Variants in FBXL18 observed in about 807,000 individuals in gnomAD.
The protein encoded by FBXL18 is F-box and leucine rich repeat protein 18, also known as F-box/LRR-repeat protein 18.
In FBXL18, 36 loss-of-function variants were observed where a neutral mutation model predicts 46.0. The ratio of observed to expected loss-of-function variants is 0.78; its 90% CI spans 0.60 to 1.03. The LOEUF (loss-of-function observed/expected upper bound fraction) is 1.03. FBXL18 is among the 50% of genes least tolerant of loss of function. The probability of loss-of-function intolerance (pLI) is 0.00; values close to 1 mark genes in which losing one functional copy is unlikely to be tolerated. For synonymous variants in FBXL18, 557 were observed against 465.3 expected (o/e 1.20, Z -2.54); for missense variants, 977 against 1,004.1 (o/e 0.97, Z 0.36).
chr7:5,493,205 C>T (rs1000003585), intron 3 of FBXL18, among the ~76,000 whole-genome samples: 20 of 152,294 alleles, frequency 1.3e-4, no homozygotes, highest in African/African-American at 4.3e-4. Context: ...CATGGTGGCA[C>T]GCACCTGTAC....
chr7:5,503,046 C>CAGATGCCA (rs1784307622), intron 2 of FBXL18, among the ~76,000 whole-genome samples: 1 of 152,166 alleles, frequency 6.6e-6, no homozygotes, highest in Non-Finnish European at 1.5e-5. Flanking sequence ...ATGGATGAAT[C>CAGATGCCA]AGATGCCAAC....
chr7:5,474,712 T>A (rs1300195207), downstream of FBXL18, among the ~76,000 whole-genome samples: 2 of 148,810 alleles, frequency 1.3e-5, no homozygotes, highest in African/African-American at 4.9e-5. Context: ...ATTTATTTAT[T>A]TATTTATTTA....
Position 5,498,278 on chromosome 7 carries a change from G to T in FBXL18, c.1781+2210C>A, listed in dbSNP as rs181539169. Among the ~76,000 whole-genome samples, 665 of 152,022 alleles carry T rather than the reference G, an allele frequency of 4.4e-3. 4 individuals are homozygous for T. The highest frequency in any genetic ancestry group is 0.015 in the African/African-American group (635 of 41,482). ...AATTTTTTGTATTTTTAGTAGAGAC[G>T]GGTTTCACCGTGTTAGCCAGGATGG... is the stretch of plus-strand genomic sequence containing the variant. On this transcript the variant is annotated intron_variant, in intron 3 of 4. Transcript: ENST00000382368.
At chr7:5,506,110 T>A (rs1784388579) in intron 1 of FBXL18, among the ~76,000 whole-genome samples, 1 of 152,104 alleles carries the variant, frequency 6.6e-6, no homozygotes, top group South Asian at 2.1e-4. Context: ...GTGATCCTCC[T>A]GCCTTGGCCT....
chr7:5,497,111 G>C (rs759344962), intron 3 of FBXL18, among the ~76,000 whole-genome samples: 8 of 151,670 alleles, frequency 5.3e-5, no homozygotes, highest in South Asian at 2.1e-4. Flanking sequence ...TGAGGTGGGA[G>C]GATCACCTGA....
chr7:5,498,576 TCTTTG>T (rs770278176), intron 3 of FBXL18, among the ~76,000 whole-genome samples: 9 of 151,814 alleles, frequency 5.9e-5, no homozygotes, highest in East Asian at 2.0e-4. Flanking sequence ...ATTTTTCTTT[TCTTTG>T]CTTTTCTTTT....
rs1254218144 is a variant in FBXL18, at chr7:5,455,892, T to C, written c.2001-8049A>G. On this transcript the variant is annotated intron_variant and NMD_transcript_variant, in intron 4 of 6. Coordinates refer to the FBXL18 transcript ENST00000415009. This position sits in a 1 kb window ranked among gnomAD's most constrained non-coding sequence, Gnocchi z 4.6. Reference sequence around the variant, plus strand: ...GCGAGACCTGGCCATCTCTGCCCCATGCGGGACTCTCTCATGGGCCGTGCT... The same window carrying C: ...GCGAGACCTGGCCATCTCTGCCCCACGCGGGACTCTCTCATGGGCCGTGCT... Among the ~76,000 whole-genome samples the C allele has an allele frequency of 6.6e-6, 1 of 152,080 alleles. No homozygotes were observed. Among genetic ancestry groups the C allele is most frequent in the Admixed American group, 6.5e-5 (1 of 15,268 alleles).
chr7:5,460,835 G>A (rs1016373356), intron 4 of FBXL18, among the ~76,000 whole-genome samples: 4 of 152,132 alleles, frequency 2.6e-5, no homozygotes, highest in African/African-American at 7.2e-5. Context: ...GCACATTGCC[G>A]CCCCTCTGCA....
intron 4 of FBXL18, among the ~76,000 whole-genome samples, chr7:5,456,758 C>T (rs1333198877): frequency 6.6e-6 from 1 of 152,002 alleles, no homozygotes; most frequent in African/African-American, 2.4e-5. Flanking sequence ...ACAGAATGGG[C>T]CAGTCCCCTT....
chr7:5,474,686 T>TTTTATTTATTTATTTATTTA (rs57021114), downstream of FBXL18, among the ~76,000 whole-genome samples: 19 of 39,456 alleles, frequency 4.8e-4, no homozygotes, highest in African/African-American at 1.7e-3. Context: ...GCACTTTATT[T>TTTTATTTATTTATTTATTTA]TTTATTTATT....
chr7:5,490,319 G>A (rs1450456018), intron 4 of FBXL18: 7 of 1,132,336 alleles, frequency 6.2e-6, no homozygotes, highest in Non-Finnish European at 7.8e-6. Flanking sequence ...CCGTCCTCCT[G>A]AGAGGTCTTG....
chr7:5,455,740 C>A lies in FBXL18; in HGVS notation c.2001-7897G>T, dbSNP rs148105184. Among the ~76,000 whole-genome samples the A allele has an allele frequency of 1.8e-3, 274 of 150,312 alleles. 3 individuals are homozygous for A. Among genetic ancestry groups the A allele is most frequent in the African/African-American group, 6.5e-3 (265 of 40,584 alleles). On this transcript the variant is annotated intron_variant and NMD_transcript_variant, in intron 4 of 6. Coordinates refer to the FBXL18 transcript ENST00000415009. The surrounding 1 kb of genome is among the most constrained non-coding windows in gnomAD (Gnocchi z 4.6). ...GGATGTCCCTAGATGGTGCCTCCCCCCCACCCCCACTACACACACACAAAC... is the reference window on the plus strand; with the variant it reads ...GGATGTCCCTAGATGGTGCCTCCCCACCACCCCCACTACACACACACAAAC...
chr7:5,472,613 G>A (rs1783445185), downstream of FBXL18, among the ~76,000 whole-genome samples: 1 of 152,066 alleles, frequency 6.6e-6, no homozygotes, highest in African/African-American at 2.4e-5. Flanking sequence ...GAGGCCACAC[G>A]AGGCCACATG....
At chr7:5,467,087 C>G (rs926490545) in intron 4 of FBXL18, among the ~76,000 whole-genome samples, 1 of 152,200 alleles carries the variant, frequency 6.6e-6, no homozygotes, top group Non-Finnish European at 1.5e-5. Flanking sequence ...CACAGTGGCT[C>G]ACGCCTGTAA....
chr7:5,502,753 G>C (rs1213913713), intron 2 of FBXL18, among the ~76,000 whole-genome samples: 1 of 151,882 alleles, frequency 6.6e-6, no homozygotes. Flanking sequence ...GCTTGAACCT[G>C]GGAGGCAGAG....
In FBXL18 at chr7:5,496,257, A is replaced by G. The variant is rs1784078110; in HGVS notation, c.1781+4231T>C. 6.6e-6 allele frequency among the ~76,000 whole-genome samples: 1 copy of G among 152,196 alleles called. No homozygotes were observed. Among genetic ancestry groups the G allele is most frequent in the East Asian group, 1.9e-4 (1 of 5,194 alleles). On this transcript the variant is annotated intron_variant, in intron 3 of 4. Transcript: ENST00000382368. The surrounding 1 kb of genome is among the most constrained non-coding windows in gnomAD (Gnocchi z 4.8). The stretch of plus-strand genomic sequence containing the variant: ...AGGGGTCAAGACCTGTACACCCATG[A>G]AAAGCACCTGGCAGAGGTCACATGA...
chr7:5,469,367 G>A (rs533686102), intron 4 of FBXL18, among the ~76,000 whole-genome samples: 3 of 152,314 alleles, frequency 2.0e-5, no homozygotes, highest in Non-Finnish European at 2.9e-5. Context: ...AGCTGAGATC[G>A]TGCCACTGCA....
At chr7:5,489,141 A>T (rs2079348557) in intron 4 of FBXL18, 1 of 424,788 alleles carries the variant, frequency 2.4e-6, no homozygotes, top group Non-Finnish European at 4.6e-6. Flanking sequence ...ACCAGGGCGG[A>T]CCACGACACC....
intron 4 of FBXL18, among the ~76,000 whole-genome samples, chr7:5,483,713 C>CGT (rs1783704597): frequency 6.6e-6 from 1 of 151,772 alleles, no homozygotes; most frequent in Admixed American, 6.6e-5. Flanking sequence ...CACTGCACTC[C>CGT]AGCCTGGGCA....
Sources: gnomAD v4.1 joint callset for allele counts (sites outside exome capture counted in the v4.1 genomes callset) on GRCh38, gnomAD v4.1.1 for gene constraint, Gnocchi (gnomAD v3.1) non-coding constraint, MANE v1.5 for transcripts, NCBI Gene and HGNC (gene_info 2026-07-23, HGNC 2026-07-21) for gene names.